The following TIAM2 variants were observed in gnomAD, a reference collection of about 807,000 sequenced individuals.
The protein encoded by TIAM2 is TIAM Rac1 associated GEF 2, also known as rho guanine nucleotide exchange factor TIAM2.
Under a neutral mutation model 152.9 loss-of-function variants are expected in TIAM2, and 80 were observed. The observed-to-expected ratio is 0.52, with a 90% CI of 0.44 to 0.63. The LOEUF is 0.63. Among genes scored for constraint, TIAM2 ranks in the 30% least tolerant of loss-of-function variants. The pLI is 0.00. For synonymous variants in TIAM2, 804 were observed against 838.0 expected (o/e 0.96, Z 0.70); for missense variants, 1,965 against 2,120.1 (o/e 0.93, Z 1.44).
intron 1 of TIAM2, among the ~76,000 whole-genome samples, chr6:155,000,735 A>G (rs924774863): frequency 4.6e-5 from 7 of 152,180 alleles, no homozygotes; most frequent in African/African-American, 1.7e-4. Flanking sequence ...CTATAATCCC[A>G]GTACTCTGGG....
chr6:155,090,643 C>G (rs1778280926), intron 2 of TIAM2, among the ~76,000 whole-genome samples: 1 of 152,110 alleles, frequency 6.6e-6, no homozygotes, highest in Non-Finnish European at 1.5e-5. Context: ...ACGGGTATGC[C>G]AGGCCTCTCT....
intron 1 of TIAM2, among the ~76,000 whole-genome samples, chr6:155,003,969 C>T (rs1473662729): frequency 6.6e-6 from 1 of 152,194 alleles, no homozygotes; most frequent in Non-Finnish European, 1.5e-5. Context: ...CCCAACTCCC[C>T]CCAGAAAAGT....
At chr6:155,020,885 AC>A (rs1263388935) in intron 1 of TIAM2, among the ~76,000 whole-genome samples, 2 of 151,854 alleles carry the variant, frequency 1.3e-5, no homozygotes, top group East Asian at 3.9e-4. Flanking sequence ...GTTAAACAAT[AC>A]CCCCCATTTC....
At chr6:155,015,338 C>T (rs1353582368) in intron 1 of TIAM2, among the ~76,000 whole-genome samples, 1 of 152,100 alleles carries the variant, frequency 6.6e-6, no homozygotes, top group Non-Finnish European at 1.5e-5. Flanking sequence ...TCTGAGGTGT[C>T]AGCAGGCTCT....
chr6:155,238,855 G>A (rs1782895465), intron 15 of TIAM2, among the ~76,000 whole-genome samples: 1 of 152,160 alleles, frequency 6.6e-6, no homozygotes, highest in Admixed American at 6.6e-5. Flanking sequence ...AGAAAAGCAG[G>A]CCCTCAATTG....
rs530286452 is a variant in TIAM2, at chr6:155,232,218, T to C, written c.3169-8312T>C. Among the ~76,000 whole-genome samples the C allele has an allele frequency of 5.3e-5, 8 of 152,318 alleles. No homozygotes were observed. The South Asian group carries it at 1.0e-3, about 20-fold the overall frequency. ...CTTTCTGTAAGTTAGACAGTGACTTTTACGAAGTTCAGAGTGAGTTGAGAA... is the reference window on the plus strand; with the variant it reads ...CTTTCTGTAAGTTAGACAGTGACTTCTACGAAGTTCAGAGTGAGTTGAGAA... On this transcript the variant is annotated intron_variant, in intron 15 of 26. Coordinates refer to ENST00000682666, the MANE Select transcript of TIAM2 (RefSeq NM_012454.4).
chr6:155,194,738 C>T (rs553673330), intron 14 of TIAM2, among the ~76,000 whole-genome samples: 67 of 152,276 alleles, frequency 4.4e-4, no homozygotes, highest in African/African-American at 1.4e-3. Flanking sequence ...CCAGGTCTTC[C>T]GCTTTAAACA....
intron 9 of TIAM2, among the ~76,000 whole-genome samples, chr6:155,168,352 T>G (rs1009453942): frequency 7.5e-4 from 113 of 151,646 alleles, no homozygotes; most frequent in African/African-American, 2.7e-3. Flanking sequence ...AAGAATGAAT[T>G]TATTTATTTA....
intron 1 of TIAM2, among the ~76,000 whole-genome samples, chr6:155,028,819 A>G (rs1776710015): frequency 7.4e-6 from 1 of 135,264 alleles, no homozygotes; most frequent in Non-Finnish European, 1.5e-5. Flanking sequence ...TATATAATAT[A>G]TATACTGTGT....
chr6:155,017,824 A>G (rs998268131), intron 1 of TIAM2, among the ~76,000 whole-genome samples: 2 of 151,950 alleles, frequency 1.3e-5, no homozygotes, highest in African/African-American at 4.8e-5. Context: ...CTTTTTGTAG[A>G]TAAAGTCCAA....
chr6:155,044,951 A>T (rs1254526546), intron 1 of TIAM2, among the ~76,000 whole-genome samples: 1 of 150,986 alleles, frequency 6.6e-6, no homozygotes, highest in Non-Finnish European at 1.5e-5. Context: ...AGCACGGTGC[A>T]TTTTATTTCT....
At position 155,252,968 on chromosome 6, in the gene TIAM2, A is replaced by G; in HGVS notation, c.4140A>G (p.Ala1380=). The change falls in exon 24 of 27, where the codon GCA becomes GCG. Residue 1380 remains alanine, a synonymous_variant. Transcript: ENST00000682666. ...TACAGCCCTCGAATTCCCGGCCTGC[A>G]CACAACTCTACTGACTTGGACCCAT... is the stretch of plus-strand genomic sequence containing the variant. ...KKKLPSNSRP[A]HNSTDLDPFK... 6.2e-7 allele frequency: 1 copy of G among 1,614,108 alleles called. No homozygotes were observed. The highest frequency in any genetic ancestry group is 8.5e-7 in the Non-Finnish European group (1 of 1,179,998).
At chr6:155,038,603 T>G (rs946600997) in intron 1 of TIAM2, among the ~76,000 whole-genome samples, 1 of 152,182 alleles carries the variant, frequency 6.6e-6, no homozygotes, top group Non-Finnish European at 1.5e-5. Context: ...TGTTTTTGAT[T>G]AAGATGAAAA....
At chr6:155,234,800 A>G (rs1378601643) in intron 15 of TIAM2, among the ~76,000 whole-genome samples, 2 of 152,222 alleles carry the variant, frequency 1.3e-5, no homozygotes, top group Admixed American at 6.5e-5. Context: ...CTGCCTCTCT[A>G]AGCAGAGGTG....
At chr6:155,115,063 G>A (rs770525061) in intron 2 of TIAM2, among the ~76,000 whole-genome samples, 1 of 150,956 alleles carries the variant, frequency 6.6e-6, no homozygotes, top group Non-Finnish European at 1.5e-5. Flanking sequence ...CCTGACCTCA[G>A]GTGATCCACC....
In TIAM2 at chr6:155,174,666, G is replaced by A. The variant is rs1482705272; in HGVS notation, c.2362-2150G>A. ...TTACAGACGTGAGCCATGGCGCCCGGCCAAGTGATACAGTCTTTCTCTGAT... is the reference window on the plus strand; with the variant it reads ...TTACAGACGTGAGCCATGGCGCCCGACCAAGTGATACAGTCTTTCTCTGAT... On this transcript the variant is annotated intron_variant, in intron 9 of 26. Transcript: ENST00000682666. This position sits in a 1 kb window ranked among gnomAD's most constrained non-coding sequence, Gnocchi z 4.2. Among the ~76,000 whole-genome samples the A allele has an allele frequency of 6.6e-6, 1 of 152,242 alleles. No homozygotes were observed. Among genetic ancestry groups the A allele is most frequent in the Non-Finnish European group, 1.5e-5 (1 of 68,044 alleles).
chr6:155,118,006 C>T (rs533492083), intron 2 of TIAM2, among the ~76,000 whole-genome samples: 1 of 152,342 alleles, frequency 6.6e-6, no homozygotes, highest in East Asian at 1.9e-4. Context: ...CCAACACTGC[C>T]TCCCACACTG....
rs560333388 is a variant in TIAM2 at position 155,252,779 on chromosome 6, G to A, written c.4120-169G>A. On this transcript the variant is annotated intron_variant, in intron 23 of 26. Coordinates refer to ENST00000682666, the MANE Select transcript of TIAM2 (RefSeq NM_012454.4). ...CCTCCGCACCTTCCCTAGCATGTGA[G>A]GTCTTTGAGAACTGGGTGCGTAGCT... 1.4e-4 allele frequency: 86 copies of A among 593,154 alleles called. 1 individual carries two copies. The East Asian group carries it at 2.2e-3, about 15-fold the overall frequency. The allele number at this position is 593,154 out of a possible 1,614,324, so 36.7% of individuals were successfully genotyped here.
rs748329838 is a variant in TIAM2 at position 155,130,087 on chromosome 6, G to A, written c.864G>A (p.Lys288=). ...GCTTCCCACCTGGCGATGCCAAAAA[G>A]CCTTTCAACCAAAGCTCTTCCCTCT... is the stretch of plus-strand genomic sequence containing the variant. ...HASFPPGDAK[K]PFNQSSSLSS... The change falls in exon 4 of 27, where the codon AAG becomes AAA. Residue 288 remains lysine (K), a synonymous_variant. Transcript: ENST00000682666. 2 of 1,613,954 alleles carry A rather than the reference G, an allele frequency of 1.2e-6. No homozygotes were observed. Among genetic ancestry groups the A allele is most frequent in the East Asian group, 4.5e-5 (2 of 44,884 alleles).
Sources: gnomAD v4.1 joint callset for allele counts (sites outside exome capture counted in the v4.1 genomes callset) on GRCh38, gnomAD v4.1.1 for gene constraint, Gnocchi (gnomAD v3.1) non-coding constraint, MANE v1.5 for transcripts, NCBI Gene and HGNC (gene_info 2026-07-23, HGNC 2026-07-21) for gene names.